The following PDZD2 variants were observed in gnomAD, a reference collection of about 807,000 sequenced individuals.
The protein encoded by PDZD2 is PDZ domain containing 2, also known as PDZ domain-containing protein 2.
PDZD2 carries 90 observed loss-of-function variants against 220.7 expected under a neutral mutation model. The ratio of observed to expected loss-of-function variants is 0.41; its 90% CI spans 0.34 to 0.49. The LOEUF is 0.49. Ranked by LOEUF, PDZD2 falls within the 20% of genes least tolerant of loss-of-function variation. The pLI, the probability that PDZD2 is intolerant of heterozygous loss-of-function variation, is 0.28. For synonymous variants in PDZD2, 1,375 were observed against 1,450.5 expected, an observed-to-expected ratio of 0.95 and a Z score of 1.18; for missense variants, 3,174 against 3,608.5, an observed-to-expected ratio of 0.88 and a Z score of 3.08.
intron 1 of PDZD2, among the ~76,000 whole-genome samples, chr5:31,796,023 C>G (rs1035148595): frequency 6.6e-6 from 1 of 152,192 alleles, no homozygotes; most frequent in Non-Finnish European, 1.5e-5. Flanking sequence ...AGGGTGGGCT[C>G]TCAGTGGCCC....
intron 1 of PDZD2, among the ~76,000 whole-genome samples, chr5:31,783,284 C>T (rs372560964): frequency 1.3e-5 from 2 of 151,850 alleles, no homozygotes; most frequent in South Asian, 4.2e-4. Flanking sequence ...GGTCTTAAGA[C>T]TCGTGGGAAA....
rs1383702709 is a variant in PDZD2 at position 32,077,566 on chromosome 5, G to A, written c.3642G>A (p.Leu1214=). ...ATGCCAGCCACCTCACAGAGAACCTGCCCAAAGCTGCATCAGAGCTGGGGC... is the reference window on the plus strand; with the variant it reads ...ATGCCAGCCACCTCACAGAGAACCTACCCAAAGCTGCATCAGAGCTGGGGC... The part of the protein sequence containing the change: ...HLDASHLTEN[L]PKAASELGQQ... The change falls in exon 19 of 25, where the codon CTG becomes CTA. Residue 1214 remains leucine (L), a synonymous_variant. Transcript: ENST00000438447. The A allele has an allele frequency of 6.2e-7, 1 of 1,613,996 alleles. No individual in the cohort carries two copies. The highest frequency in any genetic ancestry group is 8.5e-7 in the Non-Finnish European group (1 of 1,180,028).
chr5:31,772,590 A>T (rs1362450645), intron 1 of PDZD2, among the ~76,000 whole-genome samples: 1 of 150,202 alleles, frequency 6.7e-6, no homozygotes, highest in Non-Finnish European at 1.5e-5. Flanking sequence ...TGGCACCTCA[A>T]CTCCAACCAC....
intron 2 of PDZD2, among the ~76,000 whole-genome samples, chr5:31,968,451 C>G (rs1271431602): frequency 1.3e-5 from 2 of 152,032 alleles, no homozygotes; most frequent in Admixed American, 6.6e-5. Context: ...GTTGGGAATT[C>G]GAGACCAGCC....
chr5:32,063,329 CG>C (rs1189319946), intron 14 of PDZD2, among the ~76,000 whole-genome samples: 1 of 152,104 alleles, frequency 6.6e-6, no homozygotes, highest in African/African-American at 2.4e-5. Flanking sequence ...CCACCACGCC[CG>C]GTCTGAGAAT....
At chr5:31,640,796 T>A (rs1203736419) in intron 1 of PDZD2, among the ~76,000 whole-genome samples, 1 of 151,752 alleles carries the variant, frequency 6.6e-6, no homozygotes, top group Non-Finnish European at 1.5e-5. Flanking sequence ...CCTTCTTCCA[T>A]TAGGATGGGC....
chr5:31,878,080 T>TA (rs1422991054), intron 2 of PDZD2, among the ~76,000 whole-genome samples: 2 of 152,186 alleles, frequency 1.3e-5, no homozygotes, highest in Non-Finnish European at 2.9e-5. Context: ...TGCAGAGATT[T>TA]GAAGTGGTTT....
At chr5:31,919,806 A>G (rs1237334077) in intron 2 of PDZD2, among the ~76,000 whole-genome samples, 1 of 148,508 alleles carries the variant, frequency 6.7e-6, no homozygotes, top group African/African-American at 2.5e-5. Flanking sequence ...TGAGGCCAGG[A>G]GTTTGAGACC....
Position 31,744,405 on chromosome 5 carries a change from G to A in PDZD2, c.-360-54484G>A, listed in dbSNP as rs537658497. The A allele has an allele frequency of 9.2e-5, 14 of 152,082 alleles. 1 individual carries two copies. The highest frequency in any genetic ancestry group is 8.3e-4 in the South Asian group (4 of 4,812). 9.4% of individuals were successfully genotyped at this position (152,082 alleles called of 1,614,324 possible). On this transcript the variant is annotated intron_variant, in intron 1 of 24. Transcript: ENST00000438447. ...CATCCTTACTAGGTAAAAAAAGTCC[G>A]TTCTTTCACAGCTGGTATCCAAGAG...
intron 2 of PDZD2, among the ~76,000 whole-genome samples, chr5:31,898,822 T>G (rs1298897994): frequency 6.7e-6 from 1 of 150,048 alleles, no homozygotes; most frequent in African/African-American, 2.4e-5. Flanking sequence ...TTTTTTTTTT[T>G]TTTTGTTTTT....
chr5:32,068,161 T>C (rs1185936938), intron 14 of PDZD2, among the ~76,000 whole-genome samples: 6 of 151,898 alleles, frequency 4.0e-5, no homozygotes, highest in Non-Finnish European at 7.4e-5. Context: ...AAATGCGTAA[T>C]CTGAATCTAA....
intron 5 of PDZD2, among the ~76,000 whole-genome samples, chr5:32,007,880 C>T (rs995529276): frequency 4.6e-5 from 7 of 152,168 alleles, no homozygotes; most frequent in Admixed American, 1.3e-4. Context: ...CTGTGTGGTC[C>T]GCATTTGCAG....
chr5:32,002,420 C>T (rs1360170125), intron 5 of PDZD2, among the ~76,000 whole-genome samples: 1 of 152,156 alleles, frequency 6.6e-6, no homozygotes, highest in Admixed American at 6.5e-5. Flanking sequence ...TGTAGCCCCT[C>T]GCCGGAAATG....
chr5:32,046,116 A>G (rs919261949), intron 7 of PDZD2, among the ~76,000 whole-genome samples: 1 of 152,228 alleles, frequency 6.6e-6, no homozygotes, highest in East Asian at 1.9e-4. Context: ...TTGTAATATG[A>G]TTATAGCTAT....
rs63039160 is a variant in PDZD2 at position 31,752,590 on chromosome 5, T to C, written c.-360-46299T>C. On this transcript the variant is annotated intron_variant, in intron 1 of 24. Coordinates refer to ENST00000438447, the MANE Select transcript of PDZD2 (RefSeq NM_178140.4). ...ATAAAATAAAATAGGCGTTTTTTTT[T>C]CCCCCCCAGAGATGGAGTCTCCTTA... 2.9e-3 allele frequency among the ~76,000 whole-genome samples: 417 copies of C among 145,548 alleles called. 3 individuals carry two copies. The highest frequency in any genetic ancestry group is 0.025 in the East Asian group (116 of 4,610).
chr5:31,859,792 A>G (rs957240020), intron 2 of PDZD2, among the ~76,000 whole-genome samples: 2 of 152,206 alleles, frequency 1.3e-5, no homozygotes, highest in Non-Finnish European at 2.9e-5. Context: ...TCTTACTAAG[A>G]AGGAGGCATA....
At chr5:31,723,860 C>T (rs1324554817) in intron 1 of PDZD2, among the ~76,000 whole-genome samples, 4 of 152,068 alleles carry the variant, frequency 2.6e-5, no homozygotes, top group South Asian at 2.1e-4. Flanking sequence ...TCAGGCGATC[C>T]GCCCACCTCG....
chr5:31,979,220 A>G (rs1750056262), intron 2 of PDZD2, among the ~76,000 whole-genome samples: 1 of 152,200 alleles, frequency 6.6e-6, no homozygotes, highest in African/African-American at 2.4e-5. Context: ...TCCGAGCTAA[A>G]TCTTTTTCAG....
intron 1 of PDZD2, among the ~76,000 whole-genome samples, chr5:31,658,093 C>T (rs143829596): frequency 5.9e-5 from 9 of 152,318 alleles, no homozygotes; most frequent in Non-Finnish European, 8.8e-5. Context: ...AAAATAATCA[C>T]CCAGCTGTTT....
Sources: gnomAD v4.1 joint callset for allele counts (sites outside exome capture counted in the v4.1 genomes callset) on GRCh38, gnomAD v4.1.1 for gene constraint, MANE v1.5 for transcripts, NCBI Gene and HGNC (gene_info 2026-07-23, HGNC 2026-07-21) for gene names.